Variants in RFTN1 observed in about 807,000 individuals in gnomAD.
The protein encoded by RFTN1 is raftlin, lipid raft linker 1.
RFTN1 carries 26 observed loss-of-function variants against 46.5 expected under a neutral mutation model. That is an observed-to-expected ratio of 0.56 (90% CI 0.41 to 0.78). The LOEUF (loss-of-function observed/expected upper bound fraction) is 0.78, where lower values mean the gene tolerates loss of function less well. Among genes scored for constraint, RFTN1 ranks in the 30% least tolerant of loss-of-function variants. The pLI is 0.00. For synonymous variants in RFTN1, 261 were observed against 284.2 expected (o/e 0.92, Z 0.82); for missense variants, 693 against 718.7 (o/e 0.96, Z 0.41).
At chr3:16,404,098 AT>A (rs1199967452) in intron 4 of RFTN1, among the ~76,000 whole-genome samples, 1 of 29,766 alleles carries the variant, frequency 3.4e-5, no homozygotes, top group Non-Finnish European at 5.3e-5. Context: ...TATATTATAT[AT>A]TATATATAAT....
rs534700047 is a variant in RFTN1 at position 16,466,668 on chromosome 3, C to A, written c.145+27057G>T. On this transcript the variant is annotated intron_variant, in intron 2 of 9. Transcript: ENST00000334133. The surrounding 1 kb of genome is among the most constrained non-coding windows in gnomAD (Gnocchi z 5.6). ...GCAGAAGTTTCTTCCAACCTGTTAC[C>A]TGCGAATTTCAAAATCATACCTCCT... Among the ~76,000 whole-genome samples, 59 of 152,300 alleles carry A rather than the reference C, an allele frequency of 3.9e-4. No individual in the cohort carries two copies. The highest frequency in any genetic ancestry group is 3.4e-3 in the Middle Eastern group (1 of 294).
At position 16,452,271 on chromosome 3, in the gene RFTN1, T is replaced by TA. The variant is rs752860987; in HGVS notation, c.146-18235dup. ...AGAAGCCAAAGATTCTAAAGAAAAC[T>TA]AAAAAAAAAATAATAGCTGTCAAGG... On this transcript the variant is annotated intron_variant, in intron 2 of 9. Transcript: ENST00000334133. The surrounding 1 kb of genome is among the most constrained non-coding windows in gnomAD (Gnocchi z 6.3). 2.0e-3 allele frequency among the ~76,000 whole-genome samples: 299 copies of TA among 148,552 alleles called. No individual in the cohort carries two copies. Among genetic ancestry groups the TA allele is most frequent in the Non-Finnish European group, 1.7e-3 (111 of 66,858 alleles).
chr3:16,378,212 A>G, intron 4 of RFTN1, 110 bp from the exon 5 acceptor site: 2 of 869,038 alleles, frequency 2.3e-6, no homozygotes, highest in Admixed American at 2.6e-5. Context: ...TTTCAGGTGC[A>G]GGAGAAGAAT....
rs111548389 is a variant in RFTN1, at chr3:16,403,266, C to G, written c.441+6109G>C. On this transcript the variant is annotated intron_variant, in intron 4 of 9. Transcript: ENST00000334133. ...TAGCATGGCCAAGTGCTCTAGAACA[C>G]AGTCCCTGGGTCCAACAGGCTGGGT... 4.0e-3 allele frequency among the ~76,000 whole-genome samples: 614 copies of G among 152,210 alleles called. 4 individuals carry two copies. The highest frequency in any genetic ancestry group is 6.9e-3 in the Non-Finnish European group (467 of 68,010).
chr3:16,463,822 T>G (rs2076045511), intron 2 of RFTN1, among the ~76,000 whole-genome samples: 1 of 152,164 alleles, frequency 6.6e-6, no homozygotes, highest in South Asian at 2.1e-4. Context: ...TGGCTCTCCT[T>G]TCTTCTGTCA....
rs769294181 is a variant in RFTN1 at position 16,493,885 on chromosome 3, C to A, written c.-8-8G>T. The A allele has an allele frequency of 1.2e-4, 186 of 1,613,650 alleles. No homozygotes were observed. The highest frequency in any genetic ancestry group is 1.5e-4 in the Non-Finnish European group (180 of 1,179,898). On this transcript the variant is annotated splice_polypyrimidine_tract_variant and splice_region_variant and intron_variant, in intron 1 of 9. Coordinates refer to ENST00000334133, the MANE Select transcript of RFTN1 (RefSeq NM_015150.2). ...CGCAACCCATTTCAGCAGCTGCTGG[C>A]CAAAGGAAAAAGGCGGGGAGGTGAT... is the stretch of plus-strand genomic sequence containing the variant.
At chr3:16,357,855 C>T in intron 7 of RFTN1, 77 bp downstream of exon 7, 1 of 905,646 alleles carries the variant, frequency 1.1e-6, no homozygotes, top group Non-Finnish European at 1.8e-6. Context: ...AGCCACAGCC[C>T]CACGGTCAGA....
chr3:16,464,818 C>T (rs565961734), intron 2 of RFTN1, among the ~76,000 whole-genome samples: 1 of 152,338 alleles, frequency 6.6e-6, no homozygotes, highest in Non-Finnish European at 1.5e-5. Context: ...CCACAAAGCC[C>T]AAAATATTTA....
intron 7 of RFTN1, among the ~76,000 whole-genome samples, chr3:16,332,986 A>C (rs2070479530): frequency 6.6e-6 from 1 of 152,212 alleles, no homozygotes; most frequent in Non-Finnish European, 1.5e-5. Flanking sequence ...TGGTCGCAAC[A>C]GTTTTGCAAA....
At position 16,334,098 on chromosome 3, in the gene RFTN1, G is replaced by A. The variant is rs907989506; in HGVS notation, c.1147-7222C>T. 1.3e-5 allele frequency among the ~76,000 whole-genome samples: 2 copies of A among 152,234 alleles called. No individual in the cohort carries two copies. The highest frequency in any genetic ancestry group is 2.9e-5 in the Non-Finnish European group (2 of 68,040). The stretch of plus-strand genomic sequence containing the variant: ...GAGAATGGCTTGAACCTAGGAGGCA[G>A]AAGCTGCAGTGAGCCGAGATCGTGC... On this transcript the variant is annotated intron_variant, in intron 7 of 9. Coordinates refer to ENST00000334133, the MANE Select transcript of RFTN1 (RefSeq NM_015150.2). The surrounding 1 kb of genome is among the most constrained non-coding windows in gnomAD (Gnocchi z 4.3).
chr3:16,404,526 C>T (rs1016201427), intron 4 of RFTN1, among the ~76,000 whole-genome samples: 1 of 149,140 alleles, frequency 6.7e-6, no homozygotes, highest in East Asian at 2.0e-4. Context: ...TAGAGCTCGC[C>T]AGACTAAGGC....
At chr3:16,408,388 T>C (rs1210336355) in intron 4 of RFTN1, among the ~76,000 whole-genome samples, 1 of 152,160 alleles carries the variant, frequency 6.6e-6, no homozygotes, top group Admixed American at 6.5e-5. Context: ...AGCTGACAGC[T>C]GACAATATTT....
At position 16,410,216 on chromosome 3, in the gene RFTN1, C is replaced by T. The variant is rs1445966078; in HGVS notation, c.333-733G>A. Reference sequence around the variant, plus strand: ...TACAATACAGCTTACATGTTATACACACACACACACACACACACACACACA... The same window carrying T: ...TACAATACAGCTTACATGTTATACATACACACACACACACACACACACACA... On this transcript the variant is annotated intron_variant, in intron 3 of 9. Transcript: ENST00000334133. This position sits in a 1 kb window ranked among gnomAD's most constrained non-coding sequence, Gnocchi z 4.6. 4.0e-4 allele frequency among the ~76,000 whole-genome samples: 10 copies of T among 24,954 alleles called. No individual in the cohort carries two copies. Among genetic ancestry groups the T allele is most frequent in the African/African-American group, 1.1e-3 (10 of 9,036 alleles). The allele number at this position is 24,954 out of a possible 152,430, so 16.4% of individuals were successfully genotyped here. A position where few individuals can be genotyped will look rare whatever the true frequency, so the allele number is the denominator to read the frequency against.
In RFTN1 at chr3:16,329,848, G is replaced by A. The variant is rs1323414080; in HGVS notation, c.1147-2972C>T. On this transcript the variant is annotated intron_variant, in intron 7 of 9. Transcript: ENST00000334133. The surrounding 1 kb of genome is among the most constrained non-coding windows in gnomAD (Gnocchi z 4.5). Reference sequence around the variant, plus strand: ...AAGCTTTGGCGCCTCACAAAGCCCTGAGTGGCAGAATGGAGTCCTTTTATT... The same window carrying A: ...AAGCTTTGGCGCCTCACAAAGCCCTAAGTGGCAGAATGGAGTCCTTTTATT... Among the ~76,000 whole-genome samples the A allele has an allele frequency of 6.6e-6, 1 of 152,166 alleles. No individual in the cohort carries two copies. Among genetic ancestry groups the A allele is most frequent in the Non-Finnish European group, 1.5e-5 (1 of 68,034 alleles).
intron 2 of RFTN1, chr3:16,482,886 G>A: frequency 2.3e-5 from 34 of 1,504,550 alleles, no homozygotes; most frequent in Non-Finnish European, 2.9e-5. Context: ...CCACCGGGGT[G>A]AGCTTAAATT....
In RFTN1 at chr3:16,402,262, T is replaced by C. The variant is rs1048851025; in HGVS notation, c.441+7113A>G. ...TCCTCTTTCTCTTTCAATGTATCCA[T>C]TAACTCGACGCTTATGTATTAAGTC... On this transcript the variant is annotated intron_variant, in intron 4 of 9. Transcript: ENST00000334133. The surrounding 1 kb of genome is among the most constrained non-coding windows in gnomAD (Gnocchi z 4.5). Among the ~76,000 whole-genome samples the C allele has an allele frequency of 6.6e-6, 1 of 152,170 alleles. No individual in the cohort carries two copies. Among genetic ancestry groups the C allele is most frequent in the Non-Finnish European group, 1.5e-5 (1 of 68,022 alleles).
Position 16,383,696 on chromosome 3 carries a change from A to G in RFTN1, c.442-5594T>C, listed in dbSNP as rs1215945353. 1.3e-5 allele frequency among the ~76,000 whole-genome samples: 2 copies of G among 152,220 alleles called. No individual in the cohort carries two copies. Among genetic ancestry groups the G allele is most frequent in the Non-Finnish European group, 2.9e-5 (2 of 68,040 alleles). ...TTTGTGATTTAGAGTATGTGTATCA[A>G]TCGGGGTGAGAAATCAGAAAGAAGT... On this transcript the variant is annotated intron_variant, in intron 4 of 9. Transcript: ENST00000334133. This position sits in a 1 kb window ranked among gnomAD's most constrained non-coding sequence, Gnocchi z 4.0.
At position 16,433,185 on chromosome 3, in the gene RFTN1, T is replaced by TTTAA. The variant is rs3054563; in HGVS notation, c.332+665_332+666insTTAA. Among the ~76,000 whole-genome samples the TTTAA allele has an allele frequency of 0.024, 3,677 of 150,230 alleles. 138 individuals carry two copies. Among genetic ancestry groups the TTTAA allele is most frequent in the East Asian group, 0.15 (795 of 5,150 alleles). On this transcript the variant is annotated intron_variant, in intron 3 of 9. Coordinates refer to ENST00000334133, the MANE Select transcript of RFTN1 (RefSeq NM_015150.2). The surrounding 1 kb of genome is among the most constrained non-coding windows in gnomAD (Gnocchi z 4.4). ...TCCCATCCTCACTGTTTTTTTTTTT[T>TTTAA]AAAAAAATTAATATTGTTCCTTTTG...
rs759262952 is a variant in RFTN1, at chr3:16,362,038, C to T, written c.1031-3991G>A. On this transcript the variant is annotated intron_variant, in intron 6 of 9. Transcript: ENST00000334133. ...AATTATTGGAGCAATAGCTGACTGA[C>T]ACAATGCACAACCTAGACCTAAAAA... 7.8e-4 allele frequency among the ~76,000 whole-genome samples: 119 copies of T among 152,182 alleles called. 2 individuals are homozygous for T. The highest frequency in any genetic ancestry group is 1.3e-4 in the Non-Finnish European group (9 of 68,034).
Sources: gnomAD v4.1 joint callset for allele counts (sites outside exome capture counted in the v4.1 genomes callset) on GRCh38, gnomAD v4.1.1 for gene constraint, Gnocchi (gnomAD v3.1) non-coding constraint, MANE v1.5 for transcripts, NCBI Gene and HGNC (gene_info 2026-07-23, HGNC 2026-07-21) for gene names.